The following PDE4B variants were observed in gnomAD, a reference collection of about 807,000 sequenced individuals.
PDE4B encodes phosphodiesterase 4B.
PDE4B carries 20 observed loss-of-function variants against 82.2 expected under a neutral mutation model. The observed-to-expected ratio is 0.24, with a 90% CI of 0.17 to 0.35. The LOEUF is 0.35. Ranked by LOEUF, PDE4B falls within the 10% of genes least tolerant of loss-of-function variation. PDE4B has a pLI of 1.00. For synonymous variants in PDE4B, 320 were observed against 318.9 expected (o/e 1.00, Z -0.04); for missense variants, 655 against 907.2 (o/e 0.72, Z 3.57).
intron 3 of PDE4B, among the ~76,000 whole-genome samples, chr1:66,076,918 C>G (rs1656465506): frequency 6.6e-6 from 1 of 150,626 alleles, no homozygotes; most frequent in East Asian, 1.9e-4. Flanking sequence ...ATGTTTGGCC[C>G]TTGTCAGTTG....
At chr1:66,071,419 G>A (rs1158512523) in intron 3 of PDE4B, among the ~76,000 whole-genome samples, 3 of 152,064 alleles carry the variant, frequency 2.0e-5, no homozygotes, top group Non-Finnish European at 4.4e-5. Context: ...AAACTCCAAT[G>A]TTGGCTATAA....
chr1:66,200,917 T>G (rs1211968136), intron 3 of PDE4B, among the ~76,000 whole-genome samples: 1 of 152,192 alleles, frequency 6.6e-6, no homozygotes, highest in Non-Finnish European at 1.5e-5. Flanking sequence ...CATCCCTGTC[T>G]TGTGCCAGTT....
chr1:66,204,253 C>T (rs1649329450), intron 3 of PDE4B, among the ~76,000 whole-genome samples: 2 of 152,214 alleles, frequency 1.3e-5, no homozygotes, highest in Admixed American at 1.3e-4. Context: ...GTCAGTCTGC[C>T]CCTACTGGGC....
chr1:66,218,179 C>T (rs1650654594), intron 3 of PDE4B, among the ~76,000 whole-genome samples: 1 of 152,018 alleles, frequency 6.6e-6, no homozygotes. Flanking sequence ...TCAATGCACT[C>T]CAAAATAGTA....
intron 1 of PDE4B, among the ~76,000 whole-genome samples, chr1:65,883,826 G>A (rs528469174): frequency 4.6e-5 from 7 of 152,198 alleles, no homozygotes; most frequent in Admixed American, 6.5e-5. Flanking sequence ...TTTGAGATAC[G>A]TCCCATCAAT....
At chr1:65,892,585 G>T (rs1646864052) in intron 1 of PDE4B, among the ~76,000 whole-genome samples, 6 of 151,972 alleles carry the variant, frequency 3.9e-5, no homozygotes, top group Admixed American at 3.9e-4. Flanking sequence ...GTCTGCATCT[G>T]TACCCACCCT....
At chr1:65,889,222 T>C (rs1005128641) in intron 1 of PDE4B, among the ~76,000 whole-genome samples, 1 of 152,184 alleles carries the variant, frequency 6.6e-6, no homozygotes, top group Non-Finnish European at 1.5e-5. Flanking sequence ...CATTCTTTTA[T>C]GATGTATCAC....
chr1:66,121,892 T>C (rs79038146), intron 3 of PDE4B, among the ~76,000 whole-genome samples: 1 of 152,294 alleles, frequency 6.6e-6, no homozygotes, highest in East Asian at 1.9e-4. Context: ...TTCTTTCACA[T>C]TTTTTCTTTC....
chr1:66,296,812 C>G (rs1262464626), intron 7 of PDE4B, among the ~76,000 whole-genome samples: 1 of 152,168 alleles, frequency 6.6e-6, no homozygotes, highest in African/African-American at 2.4e-5. Context: ...CCAACTCTTA[C>G]ACGAAATTTT....
intron 8 of PDE4B, among the ~76,000 whole-genome samples, chr1:66,344,796 G>T (rs558752968): frequency 6.6e-6 from 1 of 152,288 alleles, no homozygotes; most frequent in African/African-American, 2.4e-5. Context: ...CTAATCACAT[G>T]ATCCAGGACT....
At chr1:66,149,478 C>A (rs1384068279) in intron 3 of PDE4B, among the ~76,000 whole-genome samples, 1 of 151,810 alleles carries the variant, frequency 6.6e-6, no homozygotes, top group Admixed American at 6.6e-5. Flanking sequence ...GCATTTTTTT[C>A]TTTTGTCACT....
At chr1:66,259,308 C>T (rs1208742996) in intron 6 of PDE4B, among the ~76,000 whole-genome samples, 2 of 152,170 alleles carry the variant, frequency 1.3e-5, no homozygotes, top group Admixed American at 6.5e-5. Flanking sequence ...AAGTCCTCTC[C>T]TCTTTTAGGG....
chr1:65,907,274 G>A (rs1165711424), intron 1 of PDE4B, among the ~76,000 whole-genome samples: 1 of 152,082 alleles, frequency 6.6e-6, no homozygotes, highest in Non-Finnish European at 1.5e-5. Context: ...CAAATTAAGG[G>A]GGAAAGTCTA....
chr1:66,228,586 G>A (rs376857006), intron 3 of PDE4B, among the ~76,000 whole-genome samples: 26 of 150,326 alleles, frequency 1.7e-4, no homozygotes, highest in Admixed American at 3.3e-4. Context: ...CTGAGATCGC[G>A]CCACTGCACT....
At chr1:66,232,229 G>T (rs1295044565) in intron 3 of PDE4B, among the ~76,000 whole-genome samples, 1 of 152,190 alleles carries the variant, frequency 6.6e-6, no homozygotes, top group Non-Finnish European at 1.5e-5. Context: ...TTTTCCATAA[G>T]ATTACCAGCA....
intron 1 of PDE4B, among the ~76,000 whole-genome samples, chr1:65,893,233 T>A (rs1646871482): frequency 6.6e-6 from 1 of 152,102 alleles, no homozygotes; most frequent in Non-Finnish European, 1.5e-5. Flanking sequence ...AATGAACATT[T>A]CCTAAATTTA....
At chr1:65,979,057 T>C (rs1650555764) in intron 3 of PDE4B, among the ~76,000 whole-genome samples, 1 of 152,220 alleles carries the variant, frequency 6.6e-6, no homozygotes, top group Non-Finnish European at 1.5e-5. Flanking sequence ...TTTATTGAGC[T>C]TTGAAAAACT....
chr1:66,291,502 C>T (rs1202243826), intron 7 of PDE4B, among the ~76,000 whole-genome samples: 11 of 152,096 alleles, frequency 7.2e-5, no homozygotes, highest in South Asian at 6.2e-4. Context: ...ATATTTAGAC[C>T]GGTTTCTACT....
intron 3 of PDE4B, 139 bp downstream of exon 3, chr1:65,918,974 G>C: frequency 1.6e-6 from 1 of 629,462 alleles, no homozygotes; most frequent in Admixed American, 2.7e-5. Flanking sequence ...TTTCCCTTTA[G>C]AATCAAAGAT....
Sources: gnomAD v4.1 joint callset for allele counts (sites outside exome capture counted in the v4.1 genomes callset) on GRCh38, gnomAD v4.1.1 for gene constraint, MANE v1.5 for transcripts, NCBI Gene and HGNC (gene_info 2026-07-23, HGNC 2026-07-21) for gene names.